Variants in TRHDE observed in about 807,000 individuals in gnomAD.
The protein encoded by TRHDE is thyrotropin releasing hormone degrading enzyme, also known as thyrotropin-releasing hormone-degrading ectoenzyme.
Under a neutral mutation model 125.7 loss-of-function variants are expected in TRHDE, and 72 were observed. That is an observed-to-expected ratio of 0.57 (90% CI 0.47 to 0.70). TRHDE has a LOEUF of 0.70. TRHDE is among the 30% of genes least tolerant of loss of function. The probability of loss-of-function intolerance (pLI) is 0.00; values close to 1 mark genes in which losing one functional copy is unlikely to be tolerated. For synonymous variants in TRHDE, 509 were observed against 509.1 expected (o/e 1.00, Z 0.00); for missense variants, 1,110 against 1,327.1 (o/e 0.84, Z 2.54).
In TRHDE at chr12:72,211,995, C is replaced by T. The variant is rs948265743; in HGVS notation, n.279+106243C>T. On this transcript the variant is annotated intron_variant and non_coding_transcript_variant, in intron 2 of 4. Transcript: ENST00000548156. ...CACAACTATGTGCATTATGTAATCC[C>T]ACTAAAATGTATACATGCATACCTA... Among the ~76,000 whole-genome samples, 6 of 152,154 alleles carry T rather than the reference C, an allele frequency of 3.9e-5. No homozygotes were observed. In the South Asian group the frequency reaches 1.2e-3, roughly 32 times the overall value.
upstream of TRHDE, among the ~76,000 whole-genome samples, chr12:72,271,664 T>G (rs1879215767): frequency 6.6e-6 from 1 of 152,124 alleles, no homozygotes; most frequent in African/African-American, 2.4e-5. Flanking sequence ...TCTGGGAGTT[T>G]CAGTCCCTCA....
upstream of TRHDE, chr12:72,272,282 C>T (rs886691706): frequency 2.2e-5 from 8 of 365,948 alleles, no homozygotes; most frequent in African/African-American, 1.7e-4. This position sits in a 1 kb window ranked among gnomAD's most constrained non-coding sequence, Gnocchi z 6.7. Context: ...GAAAGCGAGG[C>T]GAGAGCGCGG....
Position 72,342,978 on chromosome 12 carries a change from CCT to C in TRHDE, c.1189-35016_1189-35015del, listed in dbSNP as rs757257891. On this transcript the variant is annotated intron_variant, in intron 2 of 18. Coordinates refer to ENST00000261180, the MANE Select transcript of TRHDE (RefSeq NM_013381.3). The stretch of plus-strand genomic sequence containing the variant: ...AATTCTAACGTCCTATGAGGTGGGT[CCT>C]GTTACTACCTCCATCGTGTAACTAA... 5.9e-5 allele frequency among the ~76,000 whole-genome samples: 9 copies of C among 152,198 alleles called. No individual in the cohort carries two copies. In the East Asian group the frequency reaches 1.7e-3, roughly 29 times the overall value.
chr12:72,219,201 T>C (rs1297398341), intron 2 of TRHDE, among the ~76,000 whole-genome samples: 3 of 152,044 alleles, frequency 2.0e-5, no homozygotes, highest in African/African-American at 7.2e-5. Flanking sequence ...AAGACTGTAC[T>C]AATGCAATCA....
At chr12:72,519,459 T>G (rs1879061701) in intron 6 of TRHDE, among the ~76,000 whole-genome samples, 1 of 152,216 alleles carries the variant, frequency 6.6e-6, no homozygotes, top group African/African-American at 2.4e-5. Flanking sequence ...TTCTGCATTC[T>G]TCACGTAGTT....
intron 2 of TRHDE, among the ~76,000 whole-genome samples, chr12:72,119,569 G>A (rs776844948): frequency 4.6e-5 from 7 of 152,102 alleles, no homozygotes; most frequent in East Asian, 3.9e-4. Flanking sequence ...TTATAGTGCC[G>A]ATTAAGTCCA....
chr12:72,520,436 A>G (rs1355160289), intron 6 of TRHDE, among the ~76,000 whole-genome samples: 1 of 152,138 alleles, frequency 6.6e-6, no homozygotes, highest in African/African-American at 2.4e-5. Flanking sequence ...TTCTTTGACT[A>G]GGAAAGGGAA....
chr12:72,547,042 G>A (rs1214898), intron 7 of TRHDE, among the ~76,000 whole-genome samples: 146,131 of 151,754 alleles, frequency 0.96, 70,404 homozygotes, highest in East Asian at 1. Context: ...ACAGTGCACA[G>A]GAGTGTAGAT....
At chr12:72,576,165 A>G (rs1381901428) in intron 12 of TRHDE, among the ~76,000 whole-genome samples, 1 of 152,166 alleles carries the variant, frequency 6.6e-6, no homozygotes, top group Non-Finnish European at 1.5e-5. Context: ...TGAGACTAAA[A>G]TGTAAAACAA....
Position 72,665,683 on chromosome 12 carries a change from A to G in TRHDE, c.*2488A>G, listed in dbSNP as rs919821867. ...CTTTTTTGTCGGCTTTACAAATTAT[A>G]TGTATGCATGAAATAACTAACTGTT... On this transcript the variant is annotated 3_prime_UTR_variant, in exon 19 of 19. Coordinates refer to ENST00000261180, the MANE Select transcript of TRHDE (RefSeq NM_013381.3). The G allele has an allele frequency of 2.0e-5, 3 of 152,040 alleles. No individual in the cohort carries two copies. In the East Asian group the frequency reaches 5.8e-4, roughly 29 times the overall value. 9.4% of individuals were successfully genotyped at this position (152,040 alleles called of 1,614,324 possible).
chr12:72,208,923 C>G (rs1877722065), intron 2 of TRHDE, among the ~76,000 whole-genome samples: 1 of 152,124 alleles, frequency 6.6e-6, no homozygotes, highest in Non-Finnish European at 1.5e-5. Context: ...CTGAAACCCC[C>G]AACCCTCTTC....
In TRHDE at chr12:72,573,981, G is replaced by C. The variant is rs553059993; in HGVS notation, c.2132-1274G>C. Among the ~76,000 whole-genome samples, 335 of 151,870 alleles carry C rather than the reference G, an allele frequency of 2.2e-3. 2 individuals carry two copies. Among genetic ancestry groups the C allele is most frequent in the African/African-American group, 7.5e-3 (313 of 41,460 alleles). On this transcript the variant is annotated intron_variant, in intron 10 of 18. Coordinates refer to ENST00000261180, the MANE Select transcript of TRHDE (RefSeq NM_013381.3). ...AATTTTTATATTCAGTATACTTTGG[G>C]GTAGAAGTACATTCTATTTTACTGC...
chr12:72,556,545 C>A (rs1017791445), intron 7 of TRHDE, among the ~76,000 whole-genome samples: 3 of 152,216 alleles, frequency 2.0e-5, no homozygotes, highest in African/African-American at 4.8e-5. Flanking sequence ...TAGGACGAAG[C>A]ATCCCCTTGT....
intron 2 of TRHDE, among the ~76,000 whole-genome samples, chr12:72,318,488 G>T (rs139885811): frequency 1.0e-3 from 155 of 152,274 alleles, no homozygotes; most frequent in African/African-American, 3.4e-3. Flanking sequence ...TGGTCTTGGT[G>T]TTGGTCTCAG....
intron 15 of TRHDE, among the ~76,000 whole-genome samples, chr12:72,626,087 G>A (rs1273633466): frequency 6.6e-6 from 1 of 151,850 alleles, no homozygotes; most frequent in Non-Finnish European, 1.5e-5. Context: ...CCAAGGTTTT[G>A]TATTTTTAAC....
chr12:72,503,733 A>G (rs887172816), intron 6 of TRHDE, among the ~76,000 whole-genome samples: 1 of 152,196 alleles, frequency 6.6e-6, no homozygotes, highest in Non-Finnish European at 1.5e-5. Flanking sequence ...GATCCTTAAG[A>G]TATGCTAAGA....
chr12:72,614,331 T>TATATATATATATA (rs1448155527), intron 12 of TRHDE, among the ~76,000 whole-genome samples: 247 of 48,578 alleles, frequency 5.1e-3, no homozygotes, highest in African/African-American at 0.028. Context: ...TATATATATA[T>TATATATATATATA]TTTTTTTTTC....
intron 2 of TRHDE, among the ~76,000 whole-genome samples, chr12:72,153,491 T>G (rs1390666433): frequency 5.3e-5 from 8 of 152,148 alleles, no homozygotes; most frequent in East Asian, 3.8e-4. Context: ...TGATGTTAGG[T>G]TGTCAATTTT....
At chr12:72,112,403 A>G (rs1434977358) in intron 2 of TRHDE, among the ~76,000 whole-genome samples, 1 of 152,134 alleles carries the variant, frequency 6.6e-6, no homozygotes, top group African/African-American at 2.4e-5. Flanking sequence ...TCTGAAAAGA[A>G]ATAAAATCAT....
Sources: allele counts gnomAD v4.1 joint callset (sites outside exome capture counted in the v4.1 genomes callset), GRCh38; gene constraint gnomAD v4.1.1; non-coding constraint Gnocchi (gnomAD v3.1); transcripts MANE v1.5; gene names NCBI Gene and HGNC (gene_info 2026-07-23, HGNC 2026-07-21).